RBFOX1: variants seen among roughly 807,000 people sequenced by gnomAD.
RBFOX1 encodes the protein RNA binding protein fox-1 homolog 1.
A neutral mutation model predicts 57.7 loss-of-function variants in RBFOX1; 8 were observed. The observed-to-expected ratio is 0.14, with a 90% CI of 0.08 to 0.25. The LOEUF is 0.25. Ranked by LOEUF, RBFOX1 falls within the 10% of genes least tolerant of loss-of-function variation. RBFOX1 has a pLI of 1.00. For synonymous variants in RBFOX1, 326 were observed against 222.4 expected (o/e 1.47, Z -4.15); for missense variants, 611 against 548.5 (o/e 1.11, Z -1.14).
chr16:6,576,490 G>C (rs1248150772), intron 2 of RBFOX1, among the ~76,000 whole-genome samples: 1 of 152,162 alleles, frequency 6.6e-6, no homozygotes, highest in East Asian at 1.9e-4. Flanking sequence ...ACTCTGAACT[G>C]TTCATTCTTC....
At chr16:7,294,246 C>A (rs896905704) in intron 4 of RBFOX1, among the ~76,000 whole-genome samples, 1 of 152,018 alleles carries the variant, frequency 6.6e-6, no homozygotes, top group Non-Finnish European at 1.5e-5. Context: ...CCTTGTCCCA[C>A]GCACTTACAT....
intron 14 of RBFOX1, among the ~76,000 whole-genome samples, chr16:7,704,474 C>T (rs1426228967): frequency 6.6e-6 from 1 of 152,160 alleles, no homozygotes; most frequent in African/African-American, 2.4e-5. Flanking sequence ...GACCCAGAGT[C>T]TTCAAAAAGC....
At chr16:7,121,983 A>G (rs925015116) in intron 4 of RBFOX1, among the ~76,000 whole-genome samples, 3 of 152,096 alleles carry the variant, frequency 2.0e-5, no homozygotes, top group African/African-American at 7.2e-5. Context: ...GCCAAATCAT[A>G]TGCTTTACAA....
intron 3 of RBFOX1, among the ~76,000 whole-genome samples, chr16:6,741,741 G>A (rs1041155345): frequency 1.3e-5 from 2 of 151,948 alleles, no homozygotes; most frequent in African/African-American, 4.8e-5. Flanking sequence ...AAGCTATAAT[G>A]TGGAAGAAAA....
intron 3 of RBFOX1, among the ~76,000 whole-genome samples, chr16:6,979,090 T>C (rs2052478430): frequency 6.6e-6 from 1 of 152,224 alleles, no homozygotes; most frequent in Non-Finnish European, 1.5e-5. Context: ...CACCAATATG[T>C]TCAACATGAT....
intron 3 of RBFOX1, among the ~76,000 whole-genome samples, chr16:7,016,986 A>G (rs908279276): frequency 6.6e-6 from 1 of 151,924 alleles, no homozygotes; most frequent in Non-Finnish European, 1.5e-5. Context: ...CATTATTTTC[A>G]TTTCCTGGTT....
intron 4 of RBFOX1, among the ~76,000 whole-genome samples, chr16:7,177,277 A>G (rs537576138): frequency 2.0e-4 from 31 of 152,260 alleles, no homozygotes; most frequent in Non-Finnish European, 2.6e-4. Context: ...ACCAAGTTCA[A>G]AAGTGTCAGT....
intron 2 of RBFOX1, among the ~76,000 whole-genome samples, chr16:5,489,727 C>T (rs150904902): frequency 0.017 from 2,541 of 152,236 alleles, 80 homozygotes; most frequent in African/African-American, 0.058. Context: ...GCCAACAGTC[C>T]TAAAGATGGA....
intron 2 of RBFOX1, among the ~76,000 whole-genome samples, chr16:6,497,025 G>C (rs369844572): frequency 6.6e-6 from 1 of 152,208 alleles, no homozygotes; most frequent in Non-Finnish European, 1.5e-5. Flanking sequence ...GAGAGGCACT[G>C]TGTCTTGGTT....
At chr16:5,730,068 G>T (rs1279759241) in intron 3 of RBFOX1, among the ~76,000 whole-genome samples, 2 of 152,304 alleles carry the variant, frequency 1.3e-5, no homozygotes, top group Non-Finnish European at 2.9e-5. Context: ...CAGTGCATCT[G>T]ATCAGAGGAC....
At chr16:5,617,417 C>T (rs987718251) in intron 3 of RBFOX1, among the ~76,000 whole-genome samples, 3 of 152,168 alleles carry the variant, frequency 2.0e-5, no homozygotes, top group Non-Finnish European at 4.4e-5. Flanking sequence ...CAAAGCCAGC[C>T]TTGCACTGAG....
At chr16:7,646,282 G>A (rs887085589) in intron 11 of RBFOX1, among the ~76,000 whole-genome samples, 1 of 152,096 alleles carries the variant, frequency 6.6e-6, no homozygotes, top group African/African-American at 2.4e-5. Flanking sequence ...GGTTTATTTC[G>A]CCTCAGTATG....
intron 1 of RBFOX1, among the ~76,000 whole-genome samples, chr16:5,302,311 T>C (rs1049790382): frequency 1.2e-4 from 19 of 152,228 alleles, no homozygotes; most frequent in African/African-American, 4.3e-4. Context: ...TTGATTTCAG[T>C]ATTTTCTAAG....
chr16:6,745,885 C>T lies in RBFOX1; in HGVS notation c.-16+91235C>T, dbSNP rs559635191. Among the ~76,000 whole-genome samples, 119 of 152,256 alleles carry T rather than the reference C, an allele frequency of 7.8e-4. 3 individuals are homozygous for T. The South Asian group carries it at 0.022, about 28-fold the overall frequency. ...GATCATCTGTGCATAAAATTTTATGCTCTCTAAAACAGAAAGTCACTGGAA... is the reference window on the plus strand; with the variant it reads ...GATCATCTGTGCATAAAATTTTATGTTCTCTAAAACAGAAAGTCACTGGAA... On this transcript the variant is annotated intron_variant, in intron 3 of 15. Coordinates refer to ENST00000550418, the MANE Select transcript of RBFOX1 (RefSeq NM_018723.4).
At chr16:7,670,285 G>T (rs1261915153) in intron 13 of RBFOX1, among the ~76,000 whole-genome samples, 4 of 152,152 alleles carry the variant, frequency 2.6e-5, no homozygotes, top group Non-Finnish European at 5.9e-5. Context: ...AGCTGCCTTG[G>T]CCTCCCAAAG....
chr16:6,009,575 G>T lies in RBFOX1; in HGVS notation c.351+142240G>T, dbSNP rs542747289. ...GTGCATAATCAGTGCTTCAGAGACA[G>T]CCCTGCTAACAATTACCTCCTTTCT... On this transcript the variant is annotated intron_variant, in intron 4 of 19. Transcript: ENST00000641259. Among the ~76,000 whole-genome samples the T allele has an allele frequency of 6.6e-5, 10 of 152,230 alleles. No homozygotes were observed. The South Asian group carries it at 2.1e-3, about 32-fold the overall frequency.
At chr16:6,301,411 G>C (rs977004263) in intron 1 of RBFOX1, among the ~76,000 whole-genome samples, 2 of 152,084 alleles carry the variant, frequency 1.3e-5, no homozygotes, top group Non-Finnish European at 2.9e-5. Context: ...AAGCGATGCA[G>C]GTCTCATTGA....
chr16:5,408,890 G>A (rs2066933979), intron 1 of RBFOX1, among the ~76,000 whole-genome samples: 1 of 152,212 alleles, frequency 6.6e-6, no homozygotes, highest in Non-Finnish European at 1.5e-5. Flanking sequence ...CAAGAGGAGG[G>A]TGTTACACCA....
intron 3 of RBFOX1, among the ~76,000 whole-genome samples, chr16:6,886,202 C>T (rs980145825): frequency 5.3e-5 from 8 of 151,900 alleles, no homozygotes; most frequent in Admixed American, 1.3e-4. Context: ...GCTGGGATTA[C>T]AGGCGTGTGC....
Sources: allele counts gnomAD v4.1 joint callset (sites outside exome capture counted in the v4.1 genomes callset), GRCh38; gene constraint gnomAD v4.1.1; transcripts MANE v1.5; gene names NCBI Gene and HGNC (gene_info 2026-07-23, HGNC 2026-07-21).